RBFOX1: variants seen among roughly 807,000 people sequenced by gnomAD.
RBFOX1 encodes the protein RNA binding protein fox-1 homolog 1.
RBFOX1 carries 8 observed loss-of-function variants against 57.7 expected under a neutral mutation model. That is an observed-to-expected ratio of 0.14 (90% CI 0.08 to 0.25). The LOEUF is 0.25. Among genes scored for constraint, RBFOX1 ranks in the 10% least tolerant of loss-of-function variants. RBFOX1 has a pLI of 1.00. For missense variants in RBFOX1, 611 were observed against 548.5 expected, an observed-to-expected ratio of 1.11 and a Z score of -1.14; for synonymous variants, 326 against 222.4, an observed-to-expected ratio of 1.47 and a Z score of -4.15.
intron 1 of RBFOX1, among the ~76,000 whole-genome samples, chr16:5,344,741 AAT>A (rs1451053832): frequency 2.6e-5 from 4 of 152,242 alleles, no homozygotes; most frequent in African/African-American, 9.6e-5. Flanking sequence ...GGTTGAAAAA[AAT>A]ATAACTTCAT....
chr16:7,566,714 G>T (rs539731833), intron 5 of RBFOX1, among the ~76,000 whole-genome samples: 29 of 152,212 alleles, frequency 1.9e-4, no homozygotes, highest in Non-Finnish European at 2.9e-4. Flanking sequence ...TATAAACTAC[G>T]AGTGGCATTC....
intron 1 of RBFOX1, among the ~76,000 whole-genome samples, chr16:6,103,446 C>T (rs1048942904): frequency 6.6e-6 from 1 of 152,080 alleles, no homozygotes; most frequent in Admixed American, 6.5e-5. Flanking sequence ...TTTATTATTA[C>T]TGTTGTTGTC....
chr16:6,962,094 C>G (rs575036873), intron 3 of RBFOX1, among the ~76,000 whole-genome samples: 2 of 152,264 alleles, frequency 1.3e-5, no homozygotes, highest in South Asian at 4.1e-4. Context: ...GGTCAGAAAT[C>G]CAAAAATCAG....
intron 4 of RBFOX1, among the ~76,000 whole-genome samples, chr16:7,156,944 T>C (rs996132257): frequency 6.6e-6 from 1 of 152,212 alleles, no homozygotes; most frequent in Non-Finnish European, 1.5e-5. Context: ...ACCTGTTCTC[T>C]TTACAGCAAA....
intron 3 of RBFOX1, among the ~76,000 whole-genome samples, chr16:6,939,656 C>T (rs1272433219): frequency 1.3e-5 from 2 of 151,836 alleles, no homozygotes; most frequent in Non-Finnish European, 2.9e-5. Flanking sequence ...CGATTACAGC[C>T]GTGTGCTACC....
intron 2 of RBFOX1, among the ~76,000 whole-genome samples, chr16:6,504,402 T>C (rs1598408666): frequency 6.6e-6 from 1 of 152,230 alleles, no homozygotes; most frequent in East Asian, 1.9e-4. Context: ...TTTCTGATTC[T>C]GCTGGCACTG....
intron 2 of RBFOX1, among the ~76,000 whole-genome samples, chr16:6,638,443 T>C (rs527750017): frequency 1.3e-5 from 2 of 152,238 alleles, no homozygotes; most frequent in East Asian, 1.9e-4. Context: ...TCCTTAGAGA[T>C]TGGAAACTCA....
chr16:5,367,773 T>C (rs573311853), intron 1 of RBFOX1, among the ~76,000 whole-genome samples: 2 of 152,144 alleles, frequency 1.3e-5, no homozygotes, highest in East Asian at 3.9e-4. Context: ...GGAGGGGAGA[T>C]GCCTTGCCCA....
intron 3 of RBFOX1, among the ~76,000 whole-genome samples, chr16:6,978,102 C>T (rs772463521): frequency 1.3e-5 from 2 of 149,304 alleles, no homozygotes; most frequent in East Asian, 2.1e-4. Context: ...TTACAGCTGA[C>T]TTTGCAGGCT....
Position 7,121,185 on chromosome 16 carries a change from A to C in RBFOX1, c.27+69087A>C, listed in dbSNP as rs561410796. Among the ~76,000 whole-genome samples, 3 of 152,216 alleles carry C rather than the reference A, an allele frequency of 2.0e-5. No homozygotes were observed. In the South Asian group the frequency reaches 6.2e-4, roughly 32 times the overall value. On this transcript the variant is annotated intron_variant, in intron 4 of 15. Transcript: ENST00000550418. ...ACTTATTGGTGAAAAAGTGACTGCTATCTCCATTAGAGCAGGAACAAGGGA... is the reference window on the plus strand; with the variant it reads ...ACTTATTGGTGAAAAAGTGACTGCTCTCTCCATTAGAGCAGGAACAAGGGA...
chr16:5,700,716 A>G (rs4786762), intron 3 of RBFOX1, among the ~76,000 whole-genome samples: 126,906 of 152,180 alleles, frequency 0.83, 54,745 homozygotes, highest in Non-Finnish European at 0.94. Context: ...GATGCATGTT[A>G]GAGCTTCTCA....
chr16:5,401,764 T>TCTCCTCCTCCTCCTC (rs71142618), intron 1 of RBFOX1, among the ~76,000 whole-genome samples: 40 of 103,492 alleles, frequency 3.9e-4, no homozygotes, highest in East Asian at 1.1e-3. Flanking sequence ...TCCCTGTCTC[T>TCTCCTCCTCCTCCTC]CTCCTCCTCC....
intron 1 of RBFOX1, among the ~76,000 whole-genome samples, chr16:6,229,505 A>G (rs1320520578): frequency 1.3e-5 from 2 of 152,230 alleles, no homozygotes; most frequent in East Asian, 3.8e-4. Flanking sequence ...AAGTGACGCA[A>G]ACACAATAAA....
At chr16:6,017,007 T>G (rs139058861), upstream of RBFOX1, among the ~76,000 whole-genome samples, 10 of 152,360 alleles carry the variant, frequency 6.6e-5, no homozygotes, top group East Asian at 1.9e-3. Flanking sequence ...CACTCATCAC[T>G]AATCTATCTA....
intron 4 of RBFOX1, among the ~76,000 whole-genome samples, chr16:7,355,465 G>C (rs1041267650): frequency 6.6e-6 from 1 of 152,064 alleles, no homozygotes; most frequent in Non-Finnish European, 1.5e-5. Flanking sequence ...GTGTGAGTCC[G>C]AAACCCTCCC....
chr16:6,841,065 G>T (rs927284999), intron 3 of RBFOX1, among the ~76,000 whole-genome samples: 1 of 151,820 alleles, frequency 6.6e-6, no homozygotes, highest in East Asian at 1.9e-4. Context: ...CAAGCCACCT[G>T]TTTGTTTGTT....
rs573996452 is a variant in RBFOX1 at position 7,321,956 on chromosome 16, C to T, written c.28-196191C>T. Among the ~76,000 whole-genome samples the T allele has an allele frequency of 1.0e-3, 153 of 152,332 alleles. 1 individual carries two copies. The highest frequency in any genetic ancestry group is 3.6e-3 in the African/African-American group (151 of 41,586). On this transcript the variant is annotated intron_variant, in intron 4 of 15. Transcript: ENST00000550418. ...CTCTCCAATGAGAGGTTCAGCTGCA[C>T]AGCTTGGCACAGCTTGGTTCTGGGT...
intron 3 of RBFOX1, among the ~76,000 whole-genome samples, chr16:5,696,612 G>A (rs1210565630): frequency 1.3e-5 from 2 of 152,058 alleles, no homozygotes; most frequent in Non-Finnish European, 2.9e-5. Flanking sequence ...ATAGTCCTTT[G>A]CACCTCTATG....
intron 3 of RBFOX1, among the ~76,000 whole-genome samples, chr16:5,830,660 G>A (rs564554387): frequency 3.3e-5 from 5 of 152,128 alleles, no homozygotes; most frequent in Non-Finnish European, 7.3e-5. Context: ...TGATCTTTGA[G>A]GCCAGATCAA....
Sources: gnomAD v4.1 joint callset for allele counts (sites outside exome capture counted in the v4.1 genomes callset) on GRCh38, gnomAD v4.1.1 for gene constraint, MANE v1.5 for transcripts, NCBI Gene and HGNC (gene_info 2026-07-23, HGNC 2026-07-21) for gene names.